SERF2: variants seen among roughly 807,000 people sequenced by gnomAD.
SERF2 encodes the protein small EDRK-rich factor 2.
In SERF2, 4 loss-of-function variants were observed where a neutral mutation model predicts 10.7. The observed-to-expected ratio is 0.37, with a 90% CI of 0.18 to 0.86. The LOEUF is 0.86. Ranked by LOEUF, SERF2 falls within the 40% of genes least tolerant of loss-of-function variation. The pLI is 0.43. For missense variants in SERF2, 47 were observed against 79.1 expected (o/e 0.59, Z 1.54); for synonymous variants, 26 against 26.0 (o/e 1.00, Z 0.01).
chr15:43,787,481 T>G (rs372489698), upstream of SERF2, among the ~76,000 whole-genome samples: 157 of 152,322 alleles, frequency 1.0e-3, no homozygotes, highest in African/African-American at 3.6e-3. Flanking sequence ...CACCGCAACC[T>G]CTGCCTCCCG....
In SERF2 at chr15:43,793,084, G is replaced by T; in HGVS notation, c.116+1G>T. The T allele has an allele frequency of 6.2e-7, 1 of 1,602,308 alleles. No individual in the cohort carries two copies. Among genetic ancestry groups the T allele is most frequent in the Non-Finnish European group, 8.5e-7 (1 of 1,169,758 alleles). ...TTTCTGCTGCCGCCCGCAAGCAGAGGTAGCCCCAGGGAGGGGAGGGAAAGG... is the reference window on the plus strand; with the variant it reads ...TTTCTGCTGCCGCCCGCAAGCAGAGTTAGCCCCAGGGAGGGGAGGGAAAGG... On this transcript the variant is annotated splice_donor_variant, in intron 2 of 2. Transcript: ENST00000249786. LOFTEE classifies it high-confidence loss of function.
At chr15:43,786,670 C>T (rs2087010012) in intron 2 of SERF2, among the ~76,000 whole-genome samples, 1 of 152,110 alleles carries the variant, frequency 6.6e-6, no homozygotes, top group African/African-American at 2.4e-5. Context: ...GTTCCCACAC[C>T]AGGAAACTCA....
chr15:43,792,450 G>T (rs1274352643), intron 1 of SERF2, 67 bp downstream of exon 1: 40 of 1,612,876 alleles, frequency 2.5e-5, no homozygotes, highest in Non-Finnish European at 3.3e-5. Context: ...CCGGCGAGGC[G>T]CCGGCTTTGA....
intron 1 of SERF2, 198 bp from the exon 2 acceptor site, chr15:43,792,777 T>G: frequency 1.4e-6 from 1 of 691,408 alleles, no homozygotes; most frequent in Non-Finnish European, 2.4e-6. Flanking sequence ...CTCCCTTCTC[T>G]AGTCCGTATT....
At chr15:43,792,082 CA>C (rs1555457822), upstream of SERF2, 8 of 521,226 alleles carry the variant, frequency 1.5e-5, no homozygotes, top group Non-Finnish European at 2.1e-5. Context: ...CCTCCACCCC[CA>C]ACCTGCCCAC....
chr15:43,792,080 C>G, upstream of SERF2: 1 of 519,716 alleles, frequency 1.9e-6, no homozygotes, highest in East Asian at 3.4e-5. Context: ...CCCCTCCACC[C>G]CCAACCTGCC....
rs1567168808 is a variant in SERF2, at chr15:43,794,074, TGGG to T, written c.*305_*307del. 2 of 1,157,824 alleles carry T rather than the reference TGGG, an allele frequency of 1.7e-6. 1 individual carries two copies. Among genetic ancestry groups the T allele is most frequent in the Non-Finnish European group, 2.4e-6 (2 of 848,386 alleles). 71.7% of individuals were successfully genotyped at this position (1,157,824 alleles called of 1,614,324 possible). On this transcript the variant is annotated 3_prime_UTR_variant, in exon 3 of 3. Transcript: ENST00000249786. ...TGAGCGCCTGGTTTGACTGGGGACTTGGGGGGATGGGGTTGGAAGAATGACTGC... is the reference window on the plus strand; with the variant it reads ...TGAGCGCCTGGTTTGACTGGGGACTTGGGATGGGGTTGGAAGAATGACTGC...
Position 43,795,547 on chromosome 15 carries a change from G to T in SERF2, c.*1774G>T. On this transcript the variant is annotated 3_prime_UTR_variant, in exon 3 of 3. Coordinates refer to ENST00000249786, the MANE Select transcript of SERF2 (RefSeq NM_001018108.4). ...CGCAGCCCCACCCCTTTGCCCTGGA[G>T]AGAGGAAATGGCTGCTGGGAGCAGA... The T allele has an allele frequency of 6.2e-7, 1 of 1,614,140 alleles. No individual in the cohort carries two copies. The highest frequency in any genetic ancestry group is 8.5e-7 in the Non-Finnish European group (1 of 1,180,016).
intron 1 of SERF2, among the ~76,000 whole-genome samples, chr15:43,782,169 G>T (rs1010225504): frequency 6.6e-6 from 1 of 152,160 alleles, no homozygotes; most frequent in Non-Finnish European, 1.5e-5. Flanking sequence ...GATTACAAGC[G>T]TGAGCCACCA....
intron 1 of SERF2, among the ~76,000 whole-genome samples, chr15:43,783,813 G>T (rs528939561): frequency 6.6e-6 from 1 of 151,464 alleles, no homozygotes; most frequent in African/African-American, 2.4e-5. Flanking sequence ...CCAGGCTGGA[G>T]TGTGGTGACG....
At chr15:43,791,053 C>CCACCTTGCCCAG (rs1351854344), upstream of SERF2, among the ~76,000 whole-genome samples, 2 of 150,418 alleles carry the variant, frequency 1.3e-5, no homozygotes, top group Non-Finnish European at 3.0e-5. Context: ...CAGGCGTGAG[C>CCACCTTGCCCAG]CACCTTGCCC....
chr15:43,794,991 G>A lies in SERF2; in HGVS notation c.*1218G>A, dbSNP rs2087169575. On this transcript the variant is annotated 3_prime_UTR_variant, in exon 3 of 3. Transcript: ENST00000249786. ...CAATGTCAGGGGAACCCCAGTTTGT[G>A]AAAAGGACTTAGACTGGAGGATATT... 6.2e-7 allele frequency: 1 copy of A among 1,600,144 alleles called. No homozygotes were observed. The highest frequency in any genetic ancestry group is 1.1e-5 in the South Asian group (1 of 90,424).
chr15:43,777,883 CACA>C (rs2086933242), intron 1 of SERF2: 1 of 151,836 alleles, frequency 6.6e-6, no homozygotes, highest in African/African-American at 2.4e-5. Context: ...CCTGGACCTG[CACA>C]ATCCCCGGGA....
chr15:43,777,210 G>C, exon 1 of SERF2: 3 of 563,392 alleles, frequency 5.3e-6, no homozygotes, highest in South Asian at 4.6e-5. Flanking sequence ...ACCAGCGTCT[G>C]ACCTCTCACT....
rs1262400184 is a variant in SERF2 at position 43,795,110 on chromosome 15, G to GC, written c.*1341dup. On this transcript the variant is annotated 3_prime_UTR_variant, in exon 3 of 3. Transcript: ENST00000249786. The stretch of plus-strand genomic sequence containing the variant: ...GGCCAACAGAGTGGTGCCAGTAACA[G>GC]CCCCAGATAGAGGAGTACGCAGGCC... 6.8e-6 allele frequency: 11 copies of GC among 1,613,940 alleles called. No homozygotes were observed. In the Admixed American group the frequency reaches 1.2e-4, roughly 17 times the overall value.
upstream of SERF2, chr15:43,792,196 C>G: frequency 1.6e-6 from 1 of 635,530 alleles, no homozygotes; most frequent in Non-Finnish European, 2.8e-6. Flanking sequence ...TTACCCACCC[C>G]GGCTCAAGCA....
chr15:43,793,244 T>C (rs766127850), intron 2 of SERF2, 161 bp downstream of exon 2: 30 of 598,084 alleles, frequency 5.0e-5, no homozygotes, highest in Non-Finnish European at 7.8e-5. Context: ...CCCTCCAAAT[T>C]GTTAGCTCAC....
chr15:43,795,367 C>CT lies in SERF2; in HGVS notation c.*1595dup. On this transcript the variant is annotated 3_prime_UTR_variant, in exon 3 of 3. Transcript: ENST00000249786. ...AATAGCTAGCTCTTCAGGAGAGTAT[C>CT]TAAGGCCCACTCCATCTTACCTGAA... The CT allele has an allele frequency of 6.2e-7, 1 of 1,613,850 alleles. No homozygotes were observed. The highest frequency in any genetic ancestry group is 2.2e-5 in the East Asian group (1 of 44,888).
chr15:43,792,844 C>G, intron 1 of SERF2, 131 bp from the exon 2 acceptor site: 1 of 742,326 alleles, frequency 1.3e-6, no homozygotes, highest in Non-Finnish European at 2.2e-6. Flanking sequence ...GCCTGGGCCT[C>G]GATGGGCCGT....
Sources: gnomAD v4.1 joint callset for allele counts (sites outside exome capture counted in the v4.1 genomes callset) on GRCh38, gnomAD v4.1.1 for gene constraint, MANE v1.5 for transcripts, NCBI Gene and HGNC (gene_info 2026-07-23, HGNC 2026-07-21) for gene names.